The following NEK1 variants were observed in gnomAD, a reference collection of about 807,000 sequenced individuals.
NEK1 encodes NIMA related kinase 1, also known as serine/threonine-protein kinase Nek1.
Under a neutral mutation model 182.1 loss-of-function variants are expected in NEK1, and 137 were observed. The ratio of observed to expected loss-of-function variants is 0.75; its 90% confidence interval spans 0.65 to 0.87. The LOEUF is 0.87. NEK1 is among the 40% of genes least tolerant of loss of function. NEK1 has a pLI of 0.00. For synonymous variants in NEK1, 513 were observed against 492.2 expected, an observed-to-expected ratio of 1.04 and a Z score of -0.56; for missense variants, 1,391 against 1,494.4, an observed-to-expected ratio of 0.93 and a Z score of 1.14.
chr4:169,407,161 C>T (rs545355397), intron 31 of NEK1, among the ~76,000 whole-genome samples: 1 of 152,154 alleles, frequency 6.6e-6, no homozygotes, highest in Non-Finnish European at 1.5e-5. Context: ...TTTTCTCCTT[C>T]TCACTCACGA....
intron 35 of NEK1, among the ~76,000 whole-genome samples, chr4:169,398,746 T>G (rs1269339172): frequency 6.6e-6 from 1 of 152,166 alleles, no homozygotes; most frequent in Admixed American, 6.5e-5. Flanking sequence ...TTCAATGCAA[T>G]CTTAGACTTT....
chr4:169,448,385 A>G (rs1740998423), intron 27 of NEK1, among the ~76,000 whole-genome samples: 1 of 152,222 alleles, frequency 6.6e-6, no homozygotes, highest in Non-Finnish European at 1.5e-5. Flanking sequence ...AGTTTAAAAT[A>G]GTGGGTTATA....
At chr4:169,541,182 G>C (rs537510225) in intron 18 of NEK1, among the ~76,000 whole-genome samples, 1 of 152,048 alleles carries the variant, frequency 6.6e-6, no homozygotes, top group African/African-American at 2.4e-5. Flanking sequence ...ATGTAGAAGG[G>C]TTTATTCATT....
chr4:169,419,397 G>C (rs78529597), intron 31 of NEK1, among the ~76,000 whole-genome samples: 2,091 of 152,042 alleles, frequency 0.014, 27 homozygotes, highest in Non-Finnish European at 0.02. Flanking sequence ...TCTTAAAGTG[G>C]AAGAAAAAGA....
At chr4:169,478,845 T>A (rs1747457025) in intron 24 of NEK1, among the ~76,000 whole-genome samples, 1 of 152,146 alleles carries the variant, frequency 6.6e-6, no homozygotes, top group South Asian at 2.1e-4. Context: ...ATACCTGAAA[T>A]ATACTTCTAA....
chr4:169,456,820 A>C (rs1742973084), intron 27 of NEK1, among the ~76,000 whole-genome samples: 1 of 152,210 alleles, frequency 6.6e-6, no homozygotes, highest in Non-Finnish European at 1.5e-5. Context: ...AATGTCCATC[A>C]ACAGTTGAAT....
At chr4:169,479,011 A>T (rs1345202007) in intron 24 of NEK1, among the ~76,000 whole-genome samples, 5 of 152,160 alleles carry the variant, frequency 3.3e-5, no homozygotes, top group Non-Finnish European at 7.4e-5. Context: ...ATAAATGTAA[A>T]TATGTGTTGG....
At chr4:169,450,186 A>T (rs1283659954) in intron 27 of NEK1, among the ~76,000 whole-genome samples, 1 of 152,228 alleles carries the variant, frequency 6.6e-6, no homozygotes, top group East Asian at 1.9e-4. Context: ...ATGTGAAAAG[A>T]CCAAATCTAC....
At chr4:169,420,779 G>A (rs574237673) in intron 31 of NEK1, among the ~76,000 whole-genome samples, 27 of 152,172 alleles carry the variant, frequency 1.8e-4, no homozygotes, top group African/African-American at 6.5e-4. Context: ...AAATCCAAAG[G>A]AAGGAAGAAT....
chr4:169,498,063 G>C (rs1751697593), intron 23 of NEK1, among the ~76,000 whole-genome samples: 1 of 152,158 alleles, frequency 6.6e-6, no homozygotes, highest in African/African-American at 2.4e-5. Context: ...AGGTCTCTAA[G>C]GACTTGCTTT....
rs1372659618 is a variant in NEK1 at position 169,582,006 on chromosome 4, G to A, written c.808-1104C>T. Among the ~76,000 whole-genome samples, 7 of 151,918 alleles carry A rather than the reference G, an allele frequency of 4.6e-5. No homozygotes were observed. In the East Asian group the frequency reaches 1.4e-3, roughly 29 times the overall value. Reference sequence around the variant, plus strand: ...TATAAACATAGATGTTTATAAATCAGGAACAAAAATCATTTACATTTTCTG... The same window carrying A: ...TATAAACATAGATGTTTATAAATCAAGAACAAAAATCATTTACATTTTCTG... On this transcript the variant is annotated intron_variant, in intron 10 of 35. Coordinates refer to ENST00000507142, the MANE Select transcript of NEK1 (RefSeq NM_001199397.3).
intron 23 of NEK1, among the ~76,000 whole-genome samples, chr4:169,497,206 T>C (rs952602648): frequency 3.3e-5 from 5 of 152,244 alleles, no homozygotes; most frequent in Admixed American, 6.5e-5. Flanking sequence ...GTGTTTATAG[T>C]ATTCTCTGAT....
At chr4:169,606,595 C>T (rs1227203240) in intron 2 of NEK1, among the ~76,000 whole-genome samples, 1 of 152,118 alleles carries the variant, frequency 6.6e-6, no homozygotes, top group African/African-American at 2.4e-5. Flanking sequence ...CTTAGTTTGC[C>T]TCCTCCACCT....
At chr4:169,571,223 A>T (rs1205467129) in intron 12 of NEK1, among the ~76,000 whole-genome samples, 3 of 126,328 alleles carry the variant, frequency 2.4e-5, no homozygotes, top group Non-Finnish European at 3.6e-5. Flanking sequence ...AATAAATAAA[A>T]AGAATAAAAG....
At chr4:169,511,003 C>T (rs111313445) in intron 19 of NEK1, among the ~76,000 whole-genome samples, 12 of 152,204 alleles carry the variant, frequency 7.9e-5, no homozygotes, top group African/African-American at 2.6e-4. Flanking sequence ...ATGGTGGAAG[C>T]GCAGTATATT....
Position 169,400,231 on chromosome 4 carries a change from G to T in NEK1, c.3841C>A (p.Gln1281Lys). 1 of 1,578,824 alleles carries T rather than the reference G, an allele frequency of 6.3e-7. No homozygotes were observed. Among genetic ancestry groups the T allele is most frequent in the Admixed American group, 1.8e-5 (1 of 55,882 alleles). ...LHLVMADGAYQEDNDE is the reference protein window; with the variant it reads ...LHLVMADGAYKEDNDE ...ACATGTGAGGAAATCTTACCTTCTT[G>T]GTAGGCTCCATCTGCCATGACTAAA... The change falls in exon 35 of 36, where the codon CAA becomes AAA. Residue 1281 changes from glutamine (Q) to lysine (K), a missense_variant. Physicochemically the swap from Gln to Lys is moderately conservative, Grantham distance 53 (BLOSUM62 1). Coordinates refer to ENST00000507142, the MANE Select transcript of NEK1 (RefSeq NM_001199397.3).
chr4:169,488,664 A>G (rs28514768), intron 23 of NEK1, among the ~76,000 whole-genome samples: 256 of 152,288 alleles, frequency 1.7e-3, no homozygotes, highest in African/African-American at 4.6e-3. Context: ...AAATGCACCA[A>G]CATACATACT....
intron 27 of NEK1, among the ~76,000 whole-genome samples, chr4:169,460,616 G>C (rs1743794047): frequency 6.6e-6 from 1 of 151,892 alleles, no homozygotes; most frequent in Non-Finnish European, 1.5e-5. Context: ...TACTGTACTA[G>C]AAAAATAAAC....
intron 26 of NEK1, among the ~76,000 whole-genome samples, chr4:169,466,353 T>G (rs934654537): frequency 2.6e-5 from 4 of 151,652 alleles, no homozygotes; most frequent in African/African-American, 7.3e-5. Flanking sequence ...GAAAGTGACA[T>G]CAAGGCACAT....
Sources: allele counts gnomAD v4.1 joint callset (sites outside exome capture counted in the v4.1 genomes callset), GRCh38; gene constraint gnomAD v4.1.1; transcripts MANE v1.5; gene names NCBI Gene and HGNC (gene_info 2026-07-23, HGNC 2026-07-21).